ANKRD29: variants seen among roughly 807,000 people sequenced by gnomAD.
ANKRD29 encodes the protein ankyrin repeat domain-containing protein 29.
A neutral mutation model predicts 38.0 loss-of-function variants in ANKRD29; 32 were observed. The observed-to-expected ratio is 0.84, with a 90% CI of 0.64 to 1.13. The LOEUF (loss-of-function observed/expected upper bound fraction) is 1.13. Ranked by LOEUF, ANKRD29 falls within the 50% of genes most tolerant of loss-of-function variation. ANKRD29 has a pLI of 0.00. For missense variants in ANKRD29, 357 were observed against 377.9 expected (o/e 0.94, Z 0.46); for synonymous variants, 135 against 152.4 (o/e 0.89, Z 0.84).
chr18:23,644,304 T>G (rs774243002), intron 3 of ANKRD29, among the ~76,000 whole-genome samples: 9 of 152,242 alleles, frequency 5.9e-5, no homozygotes, highest in Non-Finnish European at 4.4e-5. Flanking sequence ...AGGATAAAGT[T>G]TTTAAAGTAA....
chr18:23,617,448 A>C lies in ANKRD29; in HGVS notation c.723+284T>G, dbSNP rs550108355. ...TTCCTTGATTTCACAAATCCTCCAAATGGTGTCAAAATGGCATACTTTCCA... is the reference window on the plus strand; with the variant it reads ...TTCCTTGATTTCACAAATCCTCCAACTGGTGTCAAAATGGCATACTTTCCA... On this transcript the variant is annotated intron_variant, in intron 8 of 9. Transcript: ENST00000592179. 2.0e-5 allele frequency among the ~76,000 whole-genome samples: 3 copies of C among 152,010 alleles called. No individual in the cohort carries two copies. In the East Asian group the frequency reaches 5.8e-4, roughly 29 times the overall value.
chr18:23,654,618 CAAAAAAAA>C (rs1167970950), intron 1 of ANKRD29, among the ~76,000 whole-genome samples: 4 of 50,382 alleles, frequency 7.9e-5, no homozygotes, highest in Admixed American at 6.1e-4. Flanking sequence ...GACTCTGTCT[CAAAAAAAA>C]AAAAAAAAAA....
intron 4 of ANKRD29, among the ~76,000 whole-genome samples, chr18:23,636,136 T>TTGTATGTA (rs373976176): frequency 5.9e-5 from 9 of 152,088 alleles, no homozygotes; most frequent in African/African-American, 1.7e-4. Flanking sequence ...GCTGTTATTT[T>TTGTATGTA]TGTATGTATG....
intron 9 of ANKRD29, among the ~76,000 whole-genome samples, chr18:23,606,437 A>G (rs1259168953): frequency 6.6e-6 from 1 of 152,152 alleles, no homozygotes; most frequent in Admixed American, 6.5e-5. Context: ...TTTTATTATC[A>G]AGAATATGGT....
At chr18:23,650,436 A>T (rs2060195796) in intron 1 of ANKRD29, among the ~76,000 whole-genome samples, 1 of 152,178 alleles carries the variant, frequency 6.6e-6, no homozygotes, top group Non-Finnish European at 1.5e-5. Flanking sequence ...GAGCCACTGC[A>T]CTGGGCCTAC....
At chr18:23,649,505 A>C in intron 1 of ANKRD29, 1 of 580,120 alleles carries the variant, frequency 1.7e-6, no homozygotes, top group Non-Finnish European at 3.2e-6. Flanking sequence ...TTTTTGCTTG[A>C]AATGAATTTT....
At chr18:23,652,164 G>C (rs1325914144) in intron 1 of ANKRD29, among the ~76,000 whole-genome samples, 1 of 152,126 alleles carries the variant, frequency 6.6e-6, no homozygotes, top group East Asian at 1.9e-4. Context: ...CCCTATGGCC[G>C]GCACATTTAC....
rs746636159 is a variant in ANKRD29, at chr18:23,638,836, A to G, written c.330+13T>C. On this transcript the variant is annotated intron_variant, in intron 4 of 9. Transcript: ENST00000592179. ...TTCTTCAACATAATACAAAATCAAG[A>G]AGGTTATCTCACTTTGGTCCTAAAT... 1 of 1,595,006 alleles carries G rather than the reference A, an allele frequency of 6.3e-7. No homozygotes were observed.
intron 8 of ANKRD29, among the ~76,000 whole-genome samples, chr18:23,617,057 A>G (rs1423478664): frequency 1.3e-5 from 2 of 152,004 alleles, no homozygotes; most frequent in East Asian, 3.9e-4. Context: ...CGTCTCTACT[A>G]AAAATACAAA....
rs1377116016 is a variant in ANKRD29 at position 23,599,000 on chromosome 18, A to G, written c.*2226T>C. The stretch of plus-strand genomic sequence containing the variant: ...GTCATCAAAGAATGAATTAATGAAA[A>G]ACGTTTGTAGTTCAGTTAAGCAGAT... On this transcript the variant is annotated 3_prime_UTR_variant, in exon 10 of 10. Transcript: ENST00000592179. 6.6e-6 allele frequency: 1 copy of G among 152,226 alleles called. No homozygotes were observed. Among genetic ancestry groups the G allele is most frequent in the Non-Finnish European group, 1.5e-5 (1 of 68,042 alleles). 9.4% of individuals were successfully genotyped at this position (152,226 alleles called of 1,614,324 possible). A position where few individuals can be genotyped will look rare whatever the true frequency, so the allele number is the denominator to read the frequency against.
Position 23,649,096 on chromosome 18 carries a change from T to C in ANKRD29, c.119A>G (p.Asp40Gly). Residue 40 changes from aspartate (D) to glycine (G), a missense_variant, in exon 2 of 10, where the codon GAC becomes GGC. Asp to Gly is a moderately conservative substitution (Grantham distance 94). Coordinates refer to ENST00000592179, the MANE Select transcript of ANKRD29 (RefSeq NM_173505.4). ...GAACCACCGTACGCTGTCTCTGCAG[T>C]CCACGTCCACCCGGCCGCTGTTCAA... ...LLLNSGRVDV[D>G]CRDSHGTTLL... 1 of 1,614,146 alleles carries C rather than the reference T, an allele frequency of 6.2e-7. No homozygotes were observed. The highest frequency in any genetic ancestry group is 1.1e-5 in the South Asian group (1 of 91,072).
At chr18:23,609,104 A>T (rs899977831) in intron 9 of ANKRD29, 1 of 151,932 alleles carries the variant, frequency 6.6e-6, no homozygotes, top group Non-Finnish European at 1.5e-5. Context: ...CAAAAAAAAA[A>T]AAATTCAATT....
At chr18:23,608,099 C>T (rs2059595313) in intron 9 of ANKRD29, among the ~76,000 whole-genome samples, 1 of 152,254 alleles carries the variant, frequency 6.6e-6, no homozygotes, top group African/African-American at 2.4e-5. Context: ...ACAGCTGTCA[C>T]TCCATATTGC....
At chr18:23,605,939 GTAATTTACAAAATTTGTAAAA>G (rs986873548) in intron 9 of ANKRD29, among the ~76,000 whole-genome samples, 45 of 152,068 alleles carry the variant, frequency 3.0e-4, no homozygotes, top group Admixed American at 9.2e-4. Context: ...TTTTTGTAGA[GTAATTTACAAAATTTGTAAAA>G]TAATTTACAA....
At chr18:23,619,734 G>A in intron 6 of ANKRD29, 105 bp from the exon 7 acceptor site, 2 of 922,660 alleles carry the variant, frequency 2.2e-6, no homozygotes, top group Middle Eastern at 3.4e-4. Context: ...CTCCGGGAAG[G>A]CACTCCCTGA....
intron 8 of ANKRD29, among the ~76,000 whole-genome samples, chr18:23,616,546 T>C (rs1001882882): frequency 8.9e-6 from 1 of 112,140 alleles, no homozygotes; most frequent in African/African-American, 4.1e-5. Context: ...ACTATATATA[T>C]ATAGTATATA....
intron 1 of ANKRD29, among the ~76,000 whole-genome samples, chr18:23,650,402 C>T (rs1833593490): frequency 6.6e-6 from 1 of 152,154 alleles, no homozygotes; most frequent in African/African-American, 2.4e-5. Context: ...CCTCAGCCTC[C>T]CAAAGTGCTG....
chr18:23,645,441 G>A (rs1484759007), intron 3 of ANKRD29, among the ~76,000 whole-genome samples: 2 of 152,162 alleles, frequency 1.3e-5, no homozygotes, highest in Non-Finnish European at 2.9e-5. Context: ...TGGGCGTGGT[G>A]GCACACACCT....
rs567672990 is a variant in ANKRD29, at chr18:23,617,066, A to G, written c.723+666T>C. On this transcript the variant is annotated intron_variant, in intron 8 of 9. Transcript: ENST00000592179. Reference sequence around the variant, plus strand: ...AAACCCCGTCTCTACTAAAAATACAAAAAGCTGGGTGTGGTGGCAGCGTGC... The same window carrying G: ...AAACCCCGTCTCTACTAAAAATACAGAAAGCTGGGTGTGGTGGCAGCGTGC... Among the ~76,000 whole-genome samples the G allele has an allele frequency of 3.1e-4, 47 of 152,168 alleles. No individual in the cohort carries two copies. In the South Asian group the frequency reaches 9.3e-3, roughly 30 times the overall value.
Sources: allele counts gnomAD v4.1 joint callset (sites outside exome capture counted in the v4.1 genomes callset), GRCh38; gene constraint gnomAD v4.1.1; transcripts MANE v1.5; gene names NCBI Gene and HGNC (gene_info 2026-07-23, HGNC 2026-07-21).